Variants in DMD observed in about 807,000 individuals in gnomAD.
DMD encodes mutant dystrophin.
DMD carries 63 observed loss-of-function variants against 330.1 expected under a neutral mutation model. The ratio of observed to expected loss-of-function variants is 0.19; its 90% CI spans 0.16 to 0.24. DMD has a LOEUF of 0.24. Among genes scored for constraint, DMD ranks in the 10% least tolerant of loss-of-function variants. DMD has a pLI of 1.00. For missense variants in DMD, 3,344 were observed against 2,684.1 expected, an observed-to-expected ratio of 1.25 and a Z score of -5.43; for synonymous variants, 1,223 against 959.8, an observed-to-expected ratio of 1.27 and a Z score of -5.07.
chrX:31,212,335 A>G (rs192847072), intron 64 of DMD, among the ~76,000 whole-genome samples: 1 of 109,676 alleles, frequency 9.1e-6, no homozygotes, highest in East Asian at 2.9e-4. Context: ...AACAGGGACC[A>G]TGTGGTGGTA....
intron 47 of DMD, among the ~76,000 whole-genome samples, chrX:31,895,841 A>C: frequency 8.9e-6 from 1 of 111,781 alleles, no homozygotes; most frequent in Non-Finnish European, 1.9e-5. Flanking sequence ...AGATTCTCTA[A>C]AGCGCGGCAT....
intron 2 of DMD, among the ~76,000 whole-genome samples, chrX:32,979,180 A>G (rs754192990): frequency 2.7e-5 from 3 of 112,257 alleles, no homozygotes; most frequent in African/African-American, 6.5e-5. Context: ...TTCTCATCTC[A>G]TTTCAGTAAA....
chrX:32,870,989 C>CAAAAA (rs1569537099), intron 2 of DMD, among the ~76,000 whole-genome samples: 2 of 28,902 alleles, frequency 6.9e-5, no homozygotes, highest in African/African-American at 1.1e-4. Flanking sequence ...AAAAAAAAAA[C>CAAAAA]CACAAAACCC....
At chrX:32,422,811 C>A (rs969515836) in intron 29 of DMD, among the ~76,000 whole-genome samples, 2 of 110,448 alleles carry the variant, frequency 1.8e-5, no homozygotes, top group African/African-American at 6.6e-5. Flanking sequence ...AGAAATTTGG[C>A]CTGAATATTA....
At chrX:31,466,082 T>C (rs1260025270) in intron 59 of DMD, among the ~76,000 whole-genome samples, 4 of 112,380 alleles carry the variant, frequency 3.6e-5, no homozygotes, top group Non-Finnish European at 3.7e-5. Context: ...TATCAGCCCT[T>C]TGTCAGATGA....
intron 47 of DMD, among the ~76,000 whole-genome samples, chrX:31,927,935 T>C (rs1454295582): frequency 1.8e-5 from 2 of 112,023 alleles, no homozygotes; most frequent in Non-Finnish European, 3.8e-5. Flanking sequence ...ATAGACAATA[T>C]AGTTCTAAAA....
intron 19 of DMD, among the ~76,000 whole-genome samples, chrX:32,497,750 T>C (rs1337301331): frequency 1.8e-5 from 2 of 111,544 alleles, no homozygotes; most frequent in Non-Finnish European, 3.8e-5. Flanking sequence ...AACAGACATA[T>C]GTTTAGGTAT....
intron 7 of DMD, among the ~76,000 whole-genome samples, chrX:32,704,523 A>G (rs2064431268): frequency 8.9e-6 from 1 of 112,207 alleles, no homozygotes; most frequent in South Asian, 3.7e-4. Flanking sequence ...ATGGAAATAC[A>G]GAATTATAAT....
chrX:31,383,198 AC>A (rs1367979628), intron 60 of DMD, among the ~76,000 whole-genome samples: 2 of 110,211 alleles, frequency 1.8e-5, no homozygotes, highest in African/African-American at 6.6e-5. Flanking sequence ...CCAGAGGACA[AC>A]CCCCCTTTGA....
At chrX:31,683,602 A>G (rs1181438629) in intron 52 of DMD, among the ~76,000 whole-genome samples, 2 of 112,451 alleles carry the variant, frequency 1.8e-5, no homozygotes, top group Non-Finnish European at 3.8e-5. Flanking sequence ...TCTCATTTAT[A>G]TGGCACATAG....
At chrX:32,731,813 G>A (rs753981184) in intron 7 of DMD, among the ~76,000 whole-genome samples, 7 of 112,025 alleles carry the variant, frequency 6.2e-5, no homozygotes, top group South Asian at 7.4e-4. Flanking sequence ...AGATGGGGAA[G>A]AAACAGAGCA....
chrX:31,132,621 T>C (rs2034662844), intron 77 of DMD, among the ~76,000 whole-genome samples: 1 of 111,358 alleles, frequency 9.0e-6, no homozygotes, highest in Admixed American at 9.6e-5. Flanking sequence ...TGAATTTCTT[T>C]GGAGTTCTGT....
Position 32,287,517 on chromosome X carries a change from T to A in DMD, c.6290+12A>T, listed in dbSNP as rs762866438. 6.6e-5 allele frequency: 79 copies of A among 1,204,711 alleles called. No homozygotes were observed. The South Asian group carries it at 1.3e-3, about 21-fold the overall frequency. On this transcript the variant is annotated intron_variant, in intron 43 of 78. Coordinates refer to ENST00000357033, the MANE Select transcript of DMD (RefSeq NM_004006.3). ...TTCTGCAAGTATCAAGAAAAATATA[T>A]GTGTTACCTACCCTTGTCGGTCCTT...
At chrX:32,339,882 A>C (rs1002270430) in intron 41 of DMD, among the ~76,000 whole-genome samples, 2 of 111,661 alleles carry the variant, frequency 1.8e-5, no homozygotes, top group African/African-American at 6.5e-5. Flanking sequence ...AGAGAAGGAG[A>C]ATATAGGGGG....
At chrX:32,371,931 G>C (rs1053692144) in intron 34 of DMD, among the ~76,000 whole-genome samples, 1 of 111,599 alleles carries the variant, frequency 9.0e-6, no homozygotes. Flanking sequence ...GCCATGGTTT[G>C]TTTCATGCTT....
At chrX:32,502,819 A>G (rs1193585385) in intron 18 of DMD, among the ~76,000 whole-genome samples, 2 of 110,967 alleles carry the variant, frequency 1.8e-5, no homozygotes, top group Non-Finnish European at 3.8e-5. Context: ...ATACTGGAGT[A>G]CAGATGGGAG....
intron 11 of DMD, among the ~76,000 whole-genome samples, chrX:32,625,988 C>T (rs1281070329): frequency 8.9e-6 from 1 of 112,163 alleles, no homozygotes; most frequent in Admixed American, 9.4e-5. Context: ...ATTGACATGT[C>T]TTACATGTAA....
intron 13 of DMD, among the ~76,000 whole-genome samples, chrX:32,584,656 C>A (rs1380966206): frequency 9.0e-6 from 1 of 111,712 alleles, no homozygotes; most frequent in African/African-American, 3.2e-5. Flanking sequence ...GTGAAAAAAG[C>A]CAGTTAAAAA....
chrX:32,441,447 T>C (rs894157741), intron 27 of DMD, 133 bp from the exon 28 acceptor site: 29 of 596,239 alleles, frequency 4.9e-5, no homozygotes, highest in Non-Finnish European at 7.6e-5. Context: ...AGCAGGTAAT[T>C]CAAAATGCAG....
Sources: gnomAD v4.1 joint callset for allele counts (sites outside exome capture counted in the v4.1 genomes callset) on GRCh38, gnomAD v4.1.1 for gene constraint, MANE v1.5 for transcripts, NCBI Gene and HGNC (gene_info 2026-07-23, HGNC 2026-07-21) for gene names.